OTUD7A: variants seen among roughly 807,000 people sequenced by gnomAD.
The protein encoded by OTUD7A is OTU deubiquitinase 7A, also known as OTU domain-containing protein 7A.
A neutral mutation model predicts 65.7 loss-of-function variants in OTUD7A; 12 were observed. The observed-to-expected ratio is 0.18, with a 90% CI of 0.12 to 0.30. The LOEUF (loss-of-function observed/expected upper bound fraction) is 0.30, where lower values mean the gene tolerates loss of function less well. Ranked by LOEUF, OTUD7A falls within the 10% of genes least tolerant of loss-of-function variation. The probability of loss-of-function intolerance (pLI) is 1.00; values close to 1 mark genes in which losing one functional copy is unlikely to be tolerated. For synonymous variants in OTUD7A, 641 were observed against 586.3 expected (o/e 1.09, Z -1.35); for missense variants, 1,148 against 1,304.8 (o/e 0.88, Z 1.85).
chr15:31,725,894 T>C (rs577261645), intron 1 of OTUD7A, among the ~76,000 whole-genome samples: 44 of 152,130 alleles, frequency 2.9e-4, no homozygotes, highest in African/African-American at 1.1e-3. Context: ...AAATAAACCT[T>C]TGTGGTTTGA....
intron 4 of OTUD7A, among the ~76,000 whole-genome samples, chr15:31,561,179 C>T (rs1021448514): frequency 6.6e-5 from 10 of 152,100 alleles, no homozygotes; most frequent in Non-Finnish European, 1.5e-4. Context: ...GAAGTTAAAC[C>T]ACACAGGACA....
At chr15:31,684,970 C>T (rs1892802447) in intron 1 of OTUD7A, among the ~76,000 whole-genome samples, 1 of 150,630 alleles carries the variant, frequency 6.6e-6, no homozygotes, top group Non-Finnish European at 1.5e-5. Flanking sequence ...GCAGCACCTT[C>T]ACCCGGTGCT....
rs997435395 is a variant in OTUD7A at position 31,746,107 on chromosome 15, C to T, written c.-99-89030G>A. ...GAGGGAACATAGAAATGATGCCACT[C>T]ATTTGGAAAAAGATATGATAGCTTT... On this transcript the variant is annotated intron_variant, in intron 1 of 12. Coordinates refer to ENST00000307050, the MANE Select transcript of OTUD7A (RefSeq NM_001382637.1). 2.0e-5 allele frequency among the ~76,000 whole-genome samples: 3 copies of T among 152,176 alleles called. 1 individual carries two copies. The highest frequency in any genetic ancestry group is 2.0e-4 in the Admixed American group (3 of 15,284).
At chr15:31,610,539 T>C (rs751603742) in intron 3 of OTUD7A, among the ~76,000 whole-genome samples, 6 of 142,848 alleles carry the variant, frequency 4.2e-5, no homozygotes, top group Admixed American at 7.1e-5. Flanking sequence ...TTCTCCAAGA[T>C]AGACCATATG....
intron 1 of OTUD7A, among the ~76,000 whole-genome samples, chr15:31,832,650 C>CT (rs1343371479): frequency 6.6e-6 from 1 of 152,168 alleles, no homozygotes. Flanking sequence ...CTTTCTGTCT[C>CT]TATGAATTTG....
At chr15:31,776,658 T>C (rs866038934) in intron 1 of OTUD7A, among the ~76,000 whole-genome samples, 6 of 152,222 alleles carry the variant, frequency 3.9e-5, no homozygotes, top group Admixed American at 3.9e-4. Flanking sequence ...TTAGGAATAC[T>C]GAGGAAAACA....
At chr15:31,855,988 G>A (rs1020254378) in intron 1 of OTUD7A, among the ~76,000 whole-genome samples, 2 of 152,184 alleles carry the variant, frequency 1.3e-5, no homozygotes, top group African/African-American at 4.8e-5. Flanking sequence ...AGTTGGCTCT[G>A]CTATAGGAGC....
chr15:31,797,742 T>G (rs1896007475), intron 1 of OTUD7A, among the ~76,000 whole-genome samples: 1 of 152,226 alleles, frequency 6.6e-6, no homozygotes. Context: ...AGCAAAGACG[T>G]GTTCCTATTG....
intron 3 of OTUD7A, among the ~76,000 whole-genome samples, chr15:31,590,443 G>A (rs1452835293): frequency 6.6e-6 from 1 of 151,954 alleles, no homozygotes; most frequent in Non-Finnish European, 1.5e-5. Flanking sequence ...GTAATTTGGT[G>A]TATGTGTATA....
At chr15:31,604,265 T>C (rs1322941110) in intron 3 of OTUD7A, among the ~76,000 whole-genome samples, 2 of 152,148 alleles carry the variant, frequency 1.3e-5, no homozygotes, top group African/African-American at 4.8e-5. Context: ...TATGCAGCCA[T>C]ACAAAAGGAT....
At chr15:31,833,768 T>C (rs1245675596) in intron 1 of OTUD7A, among the ~76,000 whole-genome samples, 2 of 152,254 alleles carry the variant, frequency 1.3e-5, no homozygotes, top group Non-Finnish European at 2.9e-5. Context: ...TTTGAGTGAA[T>C]AGATCATTAC....
intron 5 of OTUD7A, among the ~76,000 whole-genome samples, chr15:31,549,122 C>T (rs1401568134): frequency 1.5e-5 from 2 of 137,330 alleles, no homozygotes; most frequent in African/African-American, 2.8e-5. Flanking sequence ...GGAGACAGAG[C>T]GAGGCCTTGT....
At chr15:31,638,284 T>A (rs13379797) in intron 3 of OTUD7A, among the ~76,000 whole-genome samples, 5,666 of 152,222 alleles carry the variant, frequency 0.037, 370 homozygotes, top group African/African-American at 0.13. Flanking sequence ...TTAGCATTTT[T>A]GGCAATAAAG....
intron 1 of OTUD7A, among the ~76,000 whole-genome samples, chr15:31,785,332 A>T (rs1279939160): frequency 6.6e-6 from 1 of 152,238 alleles, no homozygotes; most frequent in African/African-American, 2.4e-5. Context: ...TTGAATTTTT[A>T]AAAATAAATT....
At chr15:31,663,996 T>C (rs903400682) in intron 1 of OTUD7A, among the ~76,000 whole-genome samples, 2 of 152,212 alleles carry the variant, frequency 1.3e-5, no homozygotes, top group African/African-American at 4.8e-5. Flanking sequence ...CTGCAAATGA[T>C]GTTAATTCAT....
At chr15:31,537,691 C>T (rs1205093154) in intron 5 of OTUD7A, among the ~76,000 whole-genome samples, 1 of 152,206 alleles carries the variant, frequency 6.6e-6, no homozygotes, top group Non-Finnish European at 1.5e-5. Flanking sequence ...ATGGCAGGAT[C>T]TTTGCTTACA....
chr15:31,589,763 T>C (rs1422964462), intron 3 of OTUD7A, among the ~76,000 whole-genome samples: 1 of 152,130 alleles, frequency 6.6e-6, no homozygotes, highest in Non-Finnish European at 1.5e-5. Flanking sequence ...CTAAACTAAA[T>C]TGTGTACTCA....
At chr15:31,838,366 C>T (rs955175250) in intron 1 of OTUD7A, among the ~76,000 whole-genome samples, 3 of 152,146 alleles carry the variant, frequency 2.0e-5, no homozygotes, top group Non-Finnish European at 4.4e-5. Flanking sequence ...CTACCTCAAC[C>T]ACTAGCACTG....
chr15:31,505,737 A>G (rs2041551181), intron 8 of OTUD7A, among the ~76,000 whole-genome samples: 1 of 113,142 alleles, frequency 8.8e-6, no homozygotes, highest in African/African-American at 3.8e-5. Context: ...ACAAGGTGAG[A>G]ATTGAAGTTA....
Sources: allele counts gnomAD v4.1 joint callset (sites outside exome capture counted in the v4.1 genomes callset), GRCh38; gene constraint gnomAD v4.1.1; transcripts MANE v1.5; gene names NCBI Gene and HGNC (gene_info 2026-07-23, HGNC 2026-07-21).